SYTL5: variants seen among roughly 807,000 people sequenced by gnomAD.
SYTL5 encodes synaptotagmin like 5, also known as synaptotagmin-like protein 5.
Under a neutral mutation model 55.9 loss-of-function variants are expected in SYTL5, and 34 were observed. The ratio of observed to expected loss-of-function variants is 0.61; its 90% confidence interval spans 0.46 to 0.81. SYTL5 has a LOEUF of 0.81. SYTL5 is among the 30% of genes least tolerant of loss of function. The pLI is 0.00. For missense variants in SYTL5, 637 were observed against 546.7 expected (o/e 1.17, Z -1.65); for synonymous variants, 221 against 188.7 (o/e 1.17, Z -1.40).
At chrX:38,099,456 G>A (rs1445122370) in intron 9 of SYTL5, among the ~76,000 whole-genome samples, 1 of 111,255 alleles carries the variant, frequency 9.0e-6, no homozygotes, top group East Asian at 2.8e-4. Flanking sequence ...GAATTAAAGA[G>A]CTTATTAGTT....
At chrX:38,101,824 CAAA>C (rs74314259) in intron 9 of SYTL5, among the ~76,000 whole-genome samples, 5 of 67,579 alleles carry the variant, frequency 7.4e-5, no homozygotes, top group South Asian at 6.8e-4. Context: ...AATAACTAGG[CAAA>C]AAAAAAAAAA....
chrX:38,089,342 C>T (rs753207624), intron 6 of SYTL5, 104 bp from the exon 7 acceptor site: 104 of 902,963 alleles, frequency 1.2e-4, no homozygotes, highest in Non-Finnish European at 1.4e-4. Context: ...GAACTCAGTG[C>T]GGTTCATATG....
At chrX:38,086,632 T>C (rs991502) in intron 6 of SYTL5, among the ~76,000 whole-genome samples, 33,936 of 110,999 alleles carry the variant, frequency 0.31, 4,400 homozygotes, top group African/African-American at 0.47. Flanking sequence ...ATAGCTGGAT[T>C]AAAAAATAGC....
intron 12 of SYTL5, among the ~76,000 whole-genome samples, chrX:38,110,005 A>T (rs1210607889): frequency 9.0e-6 from 1 of 111,206 alleles, no homozygotes; most frequent in East Asian, 2.8e-4. Flanking sequence ...ATAATTAAGG[A>T]AAATGAAAAA....
the SYTL5 span, among the ~76,000 whole-genome samples, chrX:37,974,411 T>C: frequency 3.6e-5 from 4 of 111,903 alleles, no homozygotes; most frequent in African/African-American, 1.3e-4. Context: ...AACTAATGGT[T>C]GCCATGGGCT....
chrX:37,936,879 TA>T, the SYTL5 span, among the ~76,000 whole-genome samples: 172 of 99,090 alleles, frequency 1.7e-3, no homozygotes, highest in Admixed American at 2.4e-3. Flanking sequence ...CTGTCTCTCT[TA>T]AAAAAAAAAA....
At chrX:37,919,398 C>T in the SYTL5 span, among the ~76,000 whole-genome samples, 2 of 111,596 alleles carry the variant, frequency 1.8e-5, no homozygotes, top group African/African-American at 6.5e-5. Context: ...AGTAAAAACA[C>T]TTAGAGAAGT....
At chrX:37,998,477 T>C in the SYTL5 span, among the ~76,000 whole-genome samples, 1 of 111,907 alleles carries the variant, frequency 8.9e-6, no homozygotes, top group Admixed American at 9.4e-5. Flanking sequence ...CCTGGTCCAG[T>C]GGCAGCCTCA....
At chrX:38,082,478 T>C (rs5918469) in intron 6 of SYTL5, among the ~76,000 whole-genome samples, 32,730 of 111,392 alleles carry the variant, frequency 0.29, 3,965 homozygotes, top group African/African-American at 0.43. Flanking sequence ...CACAGCTCTG[T>C]TAACATTATT....
chrX:38,022,297 C>G (rs1934580948), intron 1 of SYTL5, among the ~76,000 whole-genome samples: 1 of 112,275 alleles, frequency 8.9e-6, no homozygotes, highest in African/African-American at 3.2e-5. Flanking sequence ...TGGATAGATA[C>G]TATGAGTTTC....
chrX:37,909,648 G>T, the SYTL5 span, among the ~76,000 whole-genome samples: 1 of 109,431 alleles, frequency 9.1e-6, no homozygotes, highest in Non-Finnish European at 1.9e-5. Flanking sequence ...ATTACCTGGG[G>T]AGGTTTTTTT....
At chrX:38,070,590 A>G (rs749856327) in intron 3 of SYTL5, among the ~76,000 whole-genome samples, 46 of 111,633 alleles carry the variant, frequency 4.1e-4, no homozygotes, top group Non-Finnish European at 7.2e-4. Context: ...AAAAACTGCT[A>G]GAATGACATT....
At chrX:38,094,191 A>G (rs1360157388) in intron 7 of SYTL5, 104 bp from the exon 8 acceptor site, 2 of 718,398 alleles carry the variant, frequency 2.8e-6, no homozygotes, top group African/African-American at 4.3e-5. Context: ...CTCCTAAATA[A>G]TAATACATAT....
the SYTL5 span, among the ~76,000 whole-genome samples, chrX:37,921,536 A>T: frequency 8.9e-6 from 1 of 111,853 alleles, no homozygotes; most frequent in South Asian, 3.7e-4. Flanking sequence ...CATCATTAAG[A>T]TCAAATCTGG....
chrX:38,126,561 T>C, intron 16 of SYTL5, 27 bp from the exon 17 acceptor site: 1 of 1,208,440 alleles, frequency 8.3e-7, no homozygotes, highest in Non-Finnish European at 1.1e-6. Flanking sequence ...ATGTGTGACA[T>C]AAAATTTTCC....
In SYTL5 at chrX:38,072,140, G is replaced by T; in HGVS notation, c.423G>T (p.Gln141His). 8.3e-7 allele frequency: 1 copy of T among 1,207,375 alleles called. No individual in the cohort carries two copies. Among genetic ancestry groups the T allele is most frequent in the Non-Finnish European group, 1.1e-6 (1 of 892,049 alleles). ...VNVLGTDVVR[Q>H]SILRRSPGAE... The stretch of plus-strand genomic sequence containing the variant: ...TTCTCGGCACTGATGTTGTCCGACA[G>T]TCCATTTTAAGAAGAAGTCCAGGTA... The change falls in exon 4 of 17, where the codon CAG (glutamine) becomes CAT (histidine). Residue 141 changes from glutamine (Q) to histidine (H), a missense_variant. Physicochemically the swap from Gln to His is conservative, Grantham distance 24. Transcript: ENST00000297875.
At chrX:38,086,416 A>C (rs1462557761) in intron 6 of SYTL5, among the ~76,000 whole-genome samples, 2 of 112,274 alleles carry the variant, frequency 1.8e-5, no homozygotes, top group Non-Finnish European at 3.8e-5. Context: ...AGGTAAAGTA[A>C]ATTAAACTTT....
chrX:37,915,725 T>C, the SYTL5 span, among the ~76,000 whole-genome samples: 3 of 111,473 alleles, frequency 2.7e-5, no homozygotes, highest in African/African-American at 9.8e-5. Flanking sequence ...CAGATAAAGA[T>C]TAGTGAACAT....
chrX:38,110,375 C>T lies in SYTL5; in HGVS notation c.1489C>T (p.His497Tyr). The change falls in exon 13 of 17, where the codon CAC (histidine) becomes TAC (tyrosine). Residue 497 changes from histidine (H) to tyrosine (Y), a missense_variant. Transcript: ENST00000297875. ...AAGAACTCTGCAGCTCTCAGTCTGGCACTATGATCGATTTGGACGTAATAG... is the reference window on the plus strand; with the variant it reads ...AAGAACTCTGCAGCTCTCAGTCTGGTACTATGATCGATTTGGACGTAATAG... Reference protein sequence around the residue: ...ETRTLQLSVWHYDRFGRNSFL... With the variant: ...ETRTLQLSVWYYDRFGRNSFL... 8.3e-7 allele frequency: 1 copy of T among 1,208,576 alleles called. No homozygotes were observed. Among genetic ancestry groups the T allele is most frequent in the Non-Finnish European group, 1.1e-6 (1 of 893,439 alleles).
Sources: allele counts gnomAD v4.1 joint callset (sites outside exome capture counted in the v4.1 genomes callset), GRCh38; gene constraint gnomAD v4.1.1; transcripts MANE v1.5; gene names NCBI Gene and HGNC (gene_info 2026-07-23, HGNC 2026-07-21).